The following PCDHGA9 variants were observed in gnomAD, a reference collection of about 807,000 sequenced individuals.
PCDHGA9 encodes the protein protocadherin gamma subfamily A, 9.
A neutral mutation model predicts 62.5 loss-of-function variants in PCDHGA9; 37 were observed. The ratio of observed to expected loss-of-function variants is 0.59; its 90% CI spans 0.46 to 0.78. The LOEUF is 0.78. Among genes scored for constraint, PCDHGA9 ranks in the 30% least tolerant of loss-of-function variants. The probability of loss-of-function intolerance (pLI) is 0.00; values close to 1 mark genes in which losing one functional copy is unlikely to be tolerated. For missense variants in PCDHGA9, 1,138 were observed against 1,166.2 expected (o/e 0.98, Z 0.35); for synonymous variants, 459 against 484.6 (o/e 0.95, Z 0.69).
chr5:141,465,490 G>A (rs917234604), intron 1 of PCDHGA9, among the ~76,000 whole-genome samples: 9 of 152,170 alleles, frequency 5.9e-5, no homozygotes, highest in East Asian at 1.9e-4. Flanking sequence ...AGGAATGAGC[G>A]GGAGCATTGT....
In PCDHGA9 at chr5:141,432,690, T is replaced by A. The variant is rs764124373; in HGVS notation, c.2424+27314T>A. 5.0e-6 allele frequency: 8 copies of A among 1,613,854 alleles called. No individual in the cohort carries two copies. The highest frequency in any genetic ancestry group is 2.7e-5 in the African/African-American group (2 of 74,940). ...GACGCGCTCAAGCAGAGCCTCGTAGTGGCCGTCCAGGACCACGGCCAGCCC... is the reference window on the plus strand; with the variant it reads ...GACGCGCTCAAGCAGAGCCTCGTAGAGGCCGTCCAGGACCACGGCCAGCCC... On this transcript the variant is annotated intron_variant, in intron 1 of 3. Coordinates refer to ENST00000573521, the MANE Select transcript of PCDHGA9 (RefSeq NM_018921.3). This position sits in a 1 kb window ranked among gnomAD's most constrained non-coding sequence, Gnocchi z 6.0.
intron 1 of PCDHGA9, among the ~76,000 whole-genome samples, chr5:141,469,311 T>C (rs970450899): frequency 3.3e-5 from 5 of 152,040 alleles, no homozygotes; most frequent in Admixed American, 3.3e-4. Context: ...GCACGATGGC[T>C]CACGCCTGTA....
chr5:141,403,248 G>A lies in PCDHGA9; in HGVS notation c.296G>A (p.Ser99Asn), dbSNP rs778873368. 3.1e-6 allele frequency: 5 copies of A among 1,613,928 alleles called. No homozygotes were observed. The Admixed American group carries it at 6.7e-5, about 22-fold the overall frequency. Residue 99 changes from serine to asparagine, a missense_variant, in exon 1 of 4, where the codon AGC (serine) becomes AAC (asparagine). By Grantham distance (46) the Ser-to-Asn change is conservative (BLOSUM62 1). Transcript: ENST00000573521. The part of the protein sequence containing the change: ...RIDREELCAQ[S>N]PRCLVNFKVL... ...GACCGGGAGGAGCTCTGTGCTCAGA[G>A]CCCGCGGTGTCTGGTGAACTTTAAA...
intron 1 of PCDHGA9, chr5:141,420,995 C>T (rs1448491394): frequency 2.0e-6 from 1 of 503,150 alleles, no homozygotes; most frequent in East Asian, 3.3e-5. Flanking sequence ...CGCCGCTGCT[C>T]ACCAATCAGG....
intron 1 of PCDHGA9, chr5:141,409,456 C>T: frequency 1.2e-6 from 2 of 1,613,974 alleles, no homozygotes; most frequent in Middle Eastern, 3.3e-4. Context: ...CACCAGAATA[C>T]AATGTCACCA....
intron 3 of PCDHGA9, 90 bp from the exon 4 acceptor site, chr5:141,510,857 A>G (rs1184962556): frequency 6.2e-7 from 1 of 1,605,538 alleles, no homozygotes; most frequent in Non-Finnish European, 8.5e-7. Flanking sequence ...AGGGTGCTGT[A>G]TAGGCATTCA....
rs749121255 is a variant in PCDHGA9 at position 141,415,427 on chromosome 5, G to A, written c.2424+10051G>A. 3.1e-6 allele frequency: 5 copies of A among 1,614,050 alleles called. No homozygotes were observed. Among genetic ancestry groups the A allele is most frequent in the African/African-American group, 1.3e-5 (1 of 74,926 alleles). ...CACTTTGTGGGCGTGGACGGGGTTC[G>A]GGCTTTCCTGCAGACCTATTCCCAC... is the stretch of plus-strand genomic sequence containing the variant. On this transcript the variant is annotated intron_variant, in intron 1 of 3. Transcript: ENST00000573521.
rs1276032851 is a variant in PCDHGA9, at chr5:141,405,041, G to A, written c.2089G>A (p.Val697Met). The change falls in exon 1 of 4, where the codon GTG becomes ATG. Residue 697 changes from valine (V) to methionine (M), a missense_variant. Val to Met is a conservative substitution (Grantham distance 21). Transcript: ENST00000573521. The part of the protein sequence containing the change: ...SDLTLYLVVA[V>M]AVVSCVFLTF... ...CCTTACCCTCTACCTCGTTGTGGCT[G>A]TGGCAGTCGTCTCCTGTGTCTTCCT... The A allele has an allele frequency of 6.2e-7, 1 of 1,613,976 alleles. No homozygotes were observed. The highest frequency in any genetic ancestry group is 8.5e-7 in the Non-Finnish European group (1 of 1,179,866).
At position 141,491,137 on chromosome 5, in the gene PCDHGA9, GC is replaced by G. The variant is rs1373404184; in HGVS notation, c.2425-3668del. ...CACTGGTGAGGTGCGCACAGCCCGG[GC>G]CTTACTGGAGGATGACTCTGACACC... On this transcript the variant is annotated intron_variant, in intron 1 of 3. Transcript: ENST00000573521. This position sits in a 1 kb window ranked among gnomAD's most constrained non-coding sequence, Gnocchi z 6.9. The G allele has an allele frequency of 1.2e-6, 2 of 1,614,156 alleles. No individual in the cohort carries two copies. Among genetic ancestry groups the G allele is most frequent in the Non-Finnish European group, 1.7e-6 (2 of 1,180,008 alleles).
chr5:141,449,147 G>T (rs2098630156), intron 1 of PCDHGA9, among the ~76,000 whole-genome samples: 1 of 152,110 alleles, frequency 6.6e-6, no homozygotes, highest in African/African-American at 2.4e-5. Flanking sequence ...AAATTGCTGG[G>T]TCAAAGAGGA....
intron 1 of PCDHGA9, chr5:141,419,783 C>A: frequency 1.2e-6 from 2 of 1,614,070 alleles, no homozygotes; most frequent in Non-Finnish European, 1.7e-6. Context: ...CCGCCAGCGC[C>A]TGCTAGTCGC....
chr5:141,417,632 C>T (rs1395400349), intron 1 of PCDHGA9: 3 of 714,288 alleles, frequency 4.2e-6, no homozygotes, highest in Non-Finnish European at 6.5e-6. Context: ...GCGCTGACGC[C>T]GGGGATCCCT....
At position 141,498,660 on chromosome 5, in the gene PCDHGA9, G is replaced by A. The variant is rs969314533; in HGVS notation, c.2483+3795G>A. Among the ~76,000 whole-genome samples, 11 of 152,192 alleles carry A rather than the reference G, an allele frequency of 7.2e-5. No homozygotes were observed. In the East Asian group the frequency reaches 9.6e-4, roughly 13 times the overall value. ...GAAGGAAGAAGACCTGGCCAGGTGT[G>A]GTGGCTCACGCCTGTAATCCCAGCA... is the stretch of plus-strand genomic sequence containing the variant. On this transcript the variant is annotated intron_variant, in intron 2 of 3. Coordinates refer to ENST00000573521, the MANE Select transcript of PCDHGA9 (RefSeq NM_018921.3).
In PCDHGA9 at chr5:141,432,929, C is replaced by T. The variant is rs759937939; in HGVS notation, c.2424+27553C>T. On this transcript the variant is annotated intron_variant, in intron 1 of 3. Coordinates refer to ENST00000573521, the MANE Select transcript of PCDHGA9 (RefSeq NM_018921.3). This position sits in a 1 kb window ranked among gnomAD's most constrained non-coding sequence, Gnocchi z 6.0. ...GCTGCGGCGCTGGCACAAGTCACGCCTGCTGCAGGCTTCAGGAGGCGGCTT... is the reference window on the plus strand; with the variant it reads ...GCTGCGGCGCTGGCACAAGTCACGCTTGCTGCAGGCTTCAGGAGGCGGCTT... The T allele has an allele frequency of 6.2e-7, 1 of 1,614,078 alleles. No individual in the cohort carries two copies. Among genetic ancestry groups the T allele is most frequent in the African/African-American group, 1.3e-5 (1 of 74,948 alleles).
At chr5:141,428,091 T>C (rs769710543) in intron 1 of PCDHGA9, 2 of 1,609,000 alleles carry the variant, frequency 1.2e-6, no homozygotes, top group East Asian at 2.2e-5. Flanking sequence ...CGCTTGGCTG[T>C]CCTACCACGT....
At chr5:141,422,762 C>T in intron 1 of PCDHGA9, 1 of 1,613,392 alleles carries the variant, frequency 6.2e-7, no homozygotes. Flanking sequence ...AACTCCAACA[C>T]TGGTGTTCTC....
chr5:141,422,898 C>T (rs2096684110), intron 1 of PCDHGA9: 2 of 1,614,250 alleles, frequency 1.2e-6, no homozygotes, highest in Middle Eastern at 1.6e-4. Flanking sequence ...TGGACCAGAA[C>T]GACAATGCGC....
In PCDHGA9 at chr5:141,483,413, G is replaced by A. The variant is rs112015754; in HGVS notation, c.2425-11394G>A. 5.9e-4 allele frequency among the ~76,000 whole-genome samples: 90 copies of A among 152,300 alleles called. 1 individual carries two copies. Among genetic ancestry groups the A allele is most frequent in the African/African-American group, 1.7e-3 (69 of 41,584 alleles). ...AAATGCTTGAACCAGCACAGTGGCA[G>A]TACAGATGGAGGGAGCTGACTACAA... On this transcript the variant is annotated intron_variant, in intron 1 of 3. Transcript: ENST00000573521.
rs776258973 is a variant in PCDHGA9, at chr5:141,489,877, A to G, written c.2425-4930A>G. 1.2e-6 allele frequency: 2 copies of G among 1,614,230 alleles called. No individual in the cohort carries two copies. The highest frequency in any genetic ancestry group is 2.2e-5 in the South Asian group (2 of 91,090). Reference sequence around the variant, plus strand: ...CCAGGCAAGACATCAGCTGGTGCTTACTGCTGTGGATGGGGGGACCCCAGC... The same window carrying G: ...CCAGGCAAGACATCAGCTGGTGCTTGCTGCTGTGGATGGGGGGACCCCAGC... On this transcript the variant is annotated intron_variant, in intron 1 of 3. Coordinates refer to ENST00000573521, the MANE Select transcript of PCDHGA9 (RefSeq NM_018921.3). This position sits in a 1 kb window ranked among gnomAD's most constrained non-coding sequence, Gnocchi z 4.5.
Sources: gnomAD v4.1 joint callset for allele counts (sites outside exome capture counted in the v4.1 genomes callset) on GRCh38, gnomAD v4.1.1 for gene constraint, Gnocchi (gnomAD v3.1) non-coding constraint, MANE v1.5 for transcripts, NCBI Gene and HGNC (gene_info 2026-07-23, HGNC 2026-07-21) for gene names.